Variants in MPG observed in about 807,000 individuals in gnomAD.
MPG encodes the protein DNA-3-methyladenine glycosylase.
In MPG, 33 loss-of-function variants were observed where a neutral mutation model predicts 31.7. The ratio of observed to expected loss-of-function variants is 1.04; its 90% CI spans 0.79 to 1.39. The LOEUF (loss-of-function observed/expected upper bound fraction) is 1.39. MPG is among the 40% of genes most tolerant of loss of function. The probability of loss-of-function intolerance (pLI) is 0.00; values close to 1 mark genes in which losing one functional copy is unlikely to be tolerated. For missense variants in MPG, 455 were observed against 415.5 expected (o/e 1.10, Z -0.83); for synonymous variants, 202 against 169.2 (o/e 1.19, Z -1.51).
At position 79,435 on chromosome 16, in the gene MPG, G is replaced by A. The variant is rs780392088; in HGVS notation, c.35G>A (p.Arg12Gln). 5.0e-6 allele frequency: 8 copies of A among 1,613,092 alleles called. No homozygotes were observed. Among genetic ancestry groups the A allele is most frequent in the African/African-American group, 2.7e-5 (2 of 74,912 alleles). The change falls in exon 2 of 4, where the codon CGG becomes CAG. Residue 12 changes from arginine to glutamine, a missense_variant. Arg to Gln is a conservative substitution (Grantham distance 43). Transcript: ENST00000356432. ...PARSGAQFCR[R>Q]MGQKKQRPAR... is the part of the protein sequence containing the mutation. ...TTTTTCCCATTACAGTTTTGCCGAC[G>A]GATGGGGCAAAAGAAGCAGCGACCA... is the stretch of plus-strand genomic sequence containing the variant.
chr16:78,390 A>C, intron 1 of MPG, 57 bp downstream of exon 1: 1 of 1,176,248 alleles, frequency 8.5e-7, no homozygotes, highest in Non-Finnish European at 1.1e-6. Context: ...CAGGCGCAGC[A>C]GCGAGCGCGG....
chr16:79,155 C>T, intron 1 of MPG: 3 of 1,519,210 alleles, frequency 2.0e-6, no homozygotes, highest in Non-Finnish European at 2.7e-6. Context: ...CAGCCTGGGC[C>T]CCCATGCCGT....
intron 1 of MPG, among the ~76,000 whole-genome samples, chr16:78,539 C>G (rs1195421447): frequency 6.6e-6 from 1 of 152,214 alleles, no homozygotes; most frequent in Non-Finnish European, 1.5e-5. Flanking sequence ...CCACGGCGCG[C>G]TGGCAGCGCG....
chr16:78,359 C>T, intron 1 of MPG, 26 bp downstream of exon 1: 6 of 1,213,732 alleles, frequency 4.9e-6, no homozygotes, highest in Non-Finnish European at 6.1e-6. Context: ...GGCCGCCCCG[C>T]GGAACAGACG....
At chr16:79,164 G>A (rs527491892) in intron 1 of MPG, 11 of 1,528,870 alleles carry the variant, frequency 7.2e-6, no homozygotes, top group Middle Eastern at 2.1e-4. Context: ...CCCCCATGCC[G>A]TGCAGCTCGC....
upstream of MPG, among the ~76,000 whole-genome samples, chr16:77,465 G>C (rs921405347): frequency 6.6e-6 from 1 of 152,206 alleles, no homozygotes; most frequent in African/African-American, 2.4e-5. Context: ...GGCCGTCGGG[G>C]AGGCCTCAGA....
rs761446491 is a variant in MPG, at chr16:85,423, GC to G, written c.529del (p.Arg177GlufsTer75). ...CAGGGGACGGGGCTTGCGTCTTGCTGCGAGCACTGGAGCCCCTGGAAGGTCT... is the reference window on the plus strand; with the variant it reads ...CAGGGGACGGGGCTTGCGTCTTGCTGGAGCACTGGAGCCCCTGGAAGGTCT... ...SQGDGACVLL[R>X]ALEPLEGLET... On this transcript the variant is annotated frameshift_variant, in exon 4 of 4. Transcript: ENST00000356432. LOFTEE classifies it high-confidence loss of function. 9 of 1,609,728 alleles carry G rather than the reference GC, an allele frequency of 5.6e-6. No homozygotes were observed. In the South Asian group the frequency reaches 9.9e-5, roughly 18 times the overall value.
chr16:80,537 G>A (rs1898210290), intron 2 of MPG, among the ~76,000 whole-genome samples: 1 of 152,182 alleles, frequency 6.6e-6, no homozygotes, highest in Non-Finnish European at 1.5e-5. Flanking sequence ...GTGGCCAGGT[G>A]TGGTGGCTCA....
Position 79,532 on chromosome 16 carries a change from C to A in MPG, c.132C>A (p.Ser44=), listed in dbSNP as rs2259275. The change falls in exon 2 of 4, where the codon TCC becomes TCA. Residue 44 remains serine, a synonymous_variant. Coordinates refer to ENST00000356432, the MANE Select transcript of MPG (RefSeq NM_001015052.3). ...QAPAEQPHSS[S]DAAQAPCPRE... ...CTGCAGAGCAGCCACACAGCTCGTC[C>A]GATGCAGCCCAGGCACCTTGCCCCA... 3 of 1,612,976 alleles carry A rather than the reference C, an allele frequency of 1.9e-6. No individual in the cohort carries two copies. The highest frequency in any genetic ancestry group is 2.2e-5 in the South Asian group (2 of 91,074).
intron 2 of MPG, among the ~76,000 whole-genome samples, chr16:81,506 C>G (rs1898234326): frequency 6.6e-6 from 1 of 152,168 alleles, no homozygotes; most frequent in Non-Finnish European, 1.5e-5. Flanking sequence ...CTGGCCAAGC[C>G]TGGCCTGTTC....
chr16:81,831 G>A (rs375346220), intron 2 of MPG, among the ~76,000 whole-genome samples: 6 of 75,830 alleles, frequency 7.9e-5, no homozygotes, highest in African/African-American at 1.7e-4. Context: ...CCCTATCTCC[G>A]GGAAGGCCTC....
At position 79,424 on chromosome 16, in the gene MPG, G is replaced by C. The variant is rs146600185; in HGVS notation, c.25-1G>C. 76 of 1,613,270 alleles carry C rather than the reference G, an allele frequency of 4.7e-5. No homozygotes were observed. The highest frequency in any genetic ancestry group is 6.2e-5 in the Non-Finnish European group (73 of 1,179,992). ...CTTATTTATTTTTTTTCCCATTACA[G>C]TTTTGCCGACGGATGGGGCAAAAGA... On this transcript the variant is annotated splice_acceptor_variant, in intron 1 of 3. Transcript: ENST00000356432. LOFTEE classifies it high-confidence loss of function.
Position 78,281 on chromosome 16 carries a change from TC to T in MPG, c.-26del. Reference sequence around the variant, plus strand: ...GCTGGGCTCCGCGCCGGGGTCCGAGTCCCACGAAGCCCCGGCCCGAGCCGCC... The same window carrying T: ...GCTGGGCTCCGCGCCGGGGTCCGAGTCCACGAAGCCCCGGCCCGAGCCGCC... On this transcript the variant is annotated 5_prime_UTR_variant, in exon 1 of 4. Transcript: ENST00000356432. 1 of 1,369,564 alleles carries T rather than the reference TC, an allele frequency of 7.3e-7. No homozygotes were observed. The allele number at this position is 1,369,564 out of a possible 1,614,324, so 84.8% of individuals were successfully genotyped here. A position where few individuals can be genotyped will look rare whatever the true frequency, so the allele number is the denominator to read the frequency against.
At chr16:82,025 C>G (rs1161152114) in intron 2 of MPG, among the ~76,000 whole-genome samples, 2 of 124,180 alleles carry the variant, frequency 1.6e-5, no homozygotes, top group African/African-American at 9.4e-5. Flanking sequence ...GAATGCTCCC[C>G]ACGCTGGCCC....
chr16:79,860 C>A (rs976790854), intron 2 of MPG, 160 bp downstream of exon 2: 1 of 818,148 alleles, frequency 1.2e-6, no homozygotes, highest in Non-Finnish European at 1.9e-6. Context: ...AGCTTCATCT[C>A]AGTTGCCTGA....
intron 2 of MPG, among the ~76,000 whole-genome samples, chr16:81,854 G>C (rs12929592): frequency 0.19 from 1,801 of 9,264 alleles, 275 homozygotes; most frequent in African/African-American, 0.46. Flanking sequence ...GAATGCTCCC[G>C]GCGCTGACCC....
In MPG at chr16:83,147, A is replaced by G. The variant is rs1898299207; in HGVS notation, c.396A>G (p.Ser132=). ...YLGPEDEAAH[S]RGGRQTPRNR... ...GGCCAGAGGATGAAGCCGCCCACTC[A>G]AGGGGTGGCCGGCAGACCCCCCGCA... The change falls in exon 3 of 4, where the codon TCA becomes TCG. Residue 132 remains serine (S), a synonymous_variant. Coordinates refer to ENST00000356432, the MANE Select transcript of MPG (RefSeq NM_001015052.3). The G allele has an allele frequency of 6.2e-7, 1 of 1,613,150 alleles. No individual in the cohort carries two copies. Among genetic ancestry groups the G allele is most frequent in the Non-Finnish European group, 8.5e-7 (1 of 1,179,928 alleles).
intron 2 of MPG, among the ~76,000 whole-genome samples, chr16:80,912 C>A (rs964574104): frequency 6.6e-6 from 1 of 152,246 alleles, no homozygotes; most frequent in Non-Finnish European, 1.5e-5. Context: ...GCATCAGGGA[C>A]CACAATACGT....
chr16:79,334 G>C, intron 1 of MPG, 91 bp from the exon 2 acceptor site: 1 of 1,613,212 alleles, frequency 6.2e-7, no homozygotes, highest in Non-Finnish European at 8.5e-7. Flanking sequence ...CAAAGCAGGT[G>C]GTCAGATCCA....
Sources: gnomAD v4.1 joint callset for allele counts (sites outside exome capture counted in the v4.1 genomes callset) on GRCh38, gnomAD v4.1.1 for gene constraint, MANE v1.5 for transcripts, NCBI Gene and HGNC (gene_info 2026-07-23, HGNC 2026-07-21) for gene names.